The following PTPRC variants were observed in gnomAD, a reference collection of about 807,000 sequenced individuals.
PTPRC encodes the protein receptor-type tyrosine-protein phosphatase C.
PTPRC carries 44 observed loss-of-function variants against 155.9 expected under a neutral mutation model. That is an observed-to-expected ratio of 0.28 (90% CI 0.22 to 0.36). The LOEUF (loss-of-function observed/expected upper bound fraction) is 0.36. PTPRC is among the 10% of genes least tolerant of loss of function. PTPRC has a pLI of 1.00. For synonymous variants in PTPRC, 525 were observed against 533.1 expected, an observed-to-expected ratio of 0.98 and a Z score of 0.21; for missense variants, 1,401 against 1,564.6, an observed-to-expected ratio of 0.90 and a Z score of 1.76.
At chr1:198,754,461 C>A in intron 32 of PTPRC, 57 bp downstream of exon 32, 1 of 1,587,876 alleles carries the variant, frequency 6.3e-7, no homozygotes, top group South Asian at 1.1e-5. Context: ...TTCTTTTTGA[C>A]GGTTTCCTTT....
At position 198,662,477 on chromosome 1, in the gene PTPRC, T is replaced by TGTGA. The variant is rs1553232046; in HGVS notation, c.73+23137_73+23138insTGAG. 8.7e-3 allele frequency among the ~76,000 whole-genome samples: 519 copies of TGTGA among 59,436 alleles called. 3 individuals are homozygous for TGTGA. The East Asian group carries it at 0.24, about 28-fold the overall frequency. 39.0% of individuals were successfully genotyped at this position (59,436 alleles called of 152,430 possible). On this transcript the variant is annotated intron_variant, in intron 2 of 32. Transcript: ENST00000442510. ...GTGTGTGTGTGTGTGTGTGTGTGTG[T>TGTGA]GAGAGTGTGTGTGTATAAACATGAG...
chr1:198,638,995 GAGGACCCT>G, upstream of PTPRC: 1 of 418,322 alleles, frequency 2.4e-6, no homozygotes, highest in Non-Finnish European at 4.3e-6. Flanking sequence ...TTCCTGCAAA[GAGGACCCT>G]TACAGTATTT....
At position 198,742,308 on chromosome 1, in the gene PTPRC, G is replaced by A; in HGVS notation, c.2638G>A (p.Asp880Asn). The part of the protein sequence containing the change: ...LEGLEAENKV[D>N]VYGYVVKLRR... ...AGGCCTGGAAGCCGAGAACAAAGTG[G>A]ATGTTTATGGTTATGTTGTCAAGCT... The change falls in exon 25 of 33, where the codon GAT becomes AAT. Residue 880 changes from aspartate to asparagine, a missense_variant. Physicochemically the swap from Asp to Asn is conservative, Grantham distance 23. Transcript: ENST00000442510. The A allele has an allele frequency of 6.2e-7, 1 of 1,612,386 alleles. No individual in the cohort carries two copies. Among genetic ancestry groups the A allele is most frequent in the South Asian group, 1.1e-5 (1 of 91,060 alleles).
chr1:198,706,777 G>A lies in PTPRC; in HGVS notation c.729G>A (p.Lys243=). 1 of 1,612,226 alleles carries A rather than the reference G, an allele frequency of 6.2e-7. No individual in the cohort carries two copies. Among genetic ancestry groups the A allele is most frequent in the South Asian group, 1.1e-5 (1 of 90,966 alleles). ...TCACTGTGGATTACTTATATAACAA[G>A]GAAACTAAATTATTTACAGCAAAGC... The part of the protein sequence containing the change: ...ANITVDYLYN[K]ETKLFTAKLN... The change falls in exon 9 of 33, where the codon AAG becomes AAA. Residue 243 remains lysine, a synonymous_variant. Transcript: ENST00000442510.
chr1:198,680,153 G>C (rs1665230471), intron 2 of PTPRC: 1 of 395,232 alleles, frequency 2.5e-6, no homozygotes. Context: ...CTCATTTATA[G>C]GATTTTAAAA....
Position 198,702,437 on chromosome 1 carries a change from T to C in PTPRC, c.490T>C (p.Ser164Pro). 6.2e-7 allele frequency: 1 copy of C among 1,614,066 alleles called. No individual in the cohort carries two copies. The highest frequency in any genetic ancestry group is 8.5e-7 in the Non-Finnish European group (1 of 1,180,020). Residue 164 changes from serine to proline, a missense_variant, in exon 6 of 33, where the codon TCC (serine) becomes CCC (proline). Ser to Pro is a moderately conservative substitution (Grantham distance 74, BLOSUM62 -1). Transcript: ENST00000442510. The stretch of plus-strand genomic sequence containing the variant: ...CAGCACCTTTCCTACAGACCCAGTT[T>C]CCCCATTGACAACCACCCTCAGCCT... ...TASTFPTDPV[S>P]PLTTTLSLAH...
chr1:198,708,804 T>G (rs772186935), intron 10 of PTPRC, among the ~76,000 whole-genome samples: 1 of 152,146 alleles, frequency 6.6e-6, no homozygotes, highest in Non-Finnish European at 1.5e-5. Context: ...ATAATTGAGA[T>G]AGTATTTTTA....
intron 15 of PTPRC, among the ~76,000 whole-genome samples, chr1:198,725,616 A>G (rs1396676306): frequency 6.6e-6 from 1 of 152,178 alleles, no homozygotes; most frequent in African/African-American, 2.4e-5. Flanking sequence ...CCTTCCCTGT[A>G]CTGAGCCTGA....
At chr1:198,659,324 A>G (rs112873182) in intron 2 of PTPRC, among the ~76,000 whole-genome samples, 39 of 152,262 alleles carry the variant, frequency 2.6e-4, no homozygotes, top group African/African-American at 9.1e-4. Flanking sequence ...CAAATATTTC[A>G]CAAATGTTAG....
At chr1:198,675,921 C>T (rs969026488) in intron 2 of PTPRC, among the ~76,000 whole-genome samples, 9 of 152,016 alleles carry the variant, frequency 5.9e-5, no homozygotes, top group African/African-American at 1.9e-4. Flanking sequence ...TGTCAAAGAC[C>T]GAAATATCAT....
At chr1:198,680,853 AG>A (rs1665281581) in intron 2 of PTPRC, among the ~76,000 whole-genome samples, 1 of 152,216 alleles carries the variant, frequency 6.6e-6, no homozygotes, top group Non-Finnish European at 1.5e-5. Flanking sequence ...CCCAGGAGGC[AG>A]CATTATGGAG....
intron 26 of PTPRC, among the ~76,000 whole-genome samples, chr1:198,746,790 C>T (rs959432355): frequency 2.6e-5 from 4 of 151,782 alleles, no homozygotes; most frequent in African/African-American, 7.2e-5. Flanking sequence ...TAGGCTGCCT[C>T]GGTGACTACA....
Position 198,668,904 on chromosome 1 carries a change from G to C in PTPRC, c.74-23443G>C, listed in dbSNP as rs375220530. On this transcript the variant is annotated intron_variant, in intron 2 of 32. Transcript: ENST00000442510. ...TACCTGCCATCTATCCATGGAAGCA[G>C]CAATAAGACCACCTGAGAGCTATGG... Among the ~76,000 whole-genome samples, 2 of 151,948 alleles carry C rather than the reference G, an allele frequency of 1.3e-5. 1 individual carries two copies. Among genetic ancestry groups the C allele is most frequent in the African/African-American group, 4.8e-5 (2 of 41,556 alleles).
At chr1:198,754,475 C>A in intron 32 of PTPRC, 71 bp downstream of exon 32, 2 of 1,530,842 alleles carry the variant, frequency 1.3e-6, no homozygotes, top group Non-Finnish European at 1.8e-6. Flanking sequence ...TTCCTTTTTT[C>A]TTTTCTCCTC....
chr1:198,756,605 A>AAACT lies in PTPRC; in HGVS notation c.*425_*428dup, dbSNP rs1482143261. 3.1e-5 allele frequency: 6 copies of AAACT among 193,848 alleles called. No individual in the cohort carries two copies. Among genetic ancestry groups the AAACT allele is most frequent in the Non-Finnish European group, 6.4e-5 (6 of 93,050 alleles). The allele number at this position is 193,848 out of a possible 1,614,324, so 12.0% of individuals were successfully genotyped here. On this transcript the variant is annotated 3_prime_UTR_variant, in exon 33 of 33. Transcript: ENST00000442510. ...TGAAGGATCTGTTTTTAAAAATCAT[A>AAACT]AACTGTGTGCAGACTCAATAAAATC...
rs754240047 is a variant in PTPRC, at chr1:198,699,637, G to C, written c.372G>C (p.Thr124=). Residue 124 remains threonine (T), a synonymous_variant, in exon 5 of 33, where the codon ACG becomes ACC. Coordinates refer to ENST00000442510, the MANE Select transcript of PTPRC (RefSeq NM_002838.5). ...DSQTPSAGTD[T]QTFSGSAANA... is the part of the protein sequence containing the mutation. The stretch of plus-strand genomic sequence containing the variant: ...AGACGCCCTCTGCTGGAACTGACAC[G>C]CAGACATTCAGCGGCTCCGCCGCCA... The C allele has an allele frequency of 6.2e-7, 1 of 1,614,198 alleles. No homozygotes were observed. Among genetic ancestry groups the C allele is most frequent in the Non-Finnish European group, 8.5e-7 (1 of 1,180,034 alleles).
intron 2 of PTPRC, among the ~76,000 whole-genome samples, chr1:198,671,027 A>G (rs748622140): frequency 6.6e-6 from 1 of 152,190 alleles, no homozygotes; most frequent in African/African-American, 2.4e-5. Context: ...TAATCATTTC[A>G]TAGTGTATAC....
At chr1:198,727,613 G>T (rs540091525) in intron 15 of PTPRC, among the ~76,000 whole-genome samples, 49 of 152,242 alleles carry the variant, frequency 3.2e-4, no homozygotes, top group African/African-American at 1.1e-3. Flanking sequence ...ACTAAGAAGT[G>T]GTAGAGCTAG....
chr1:198,703,707 C>G lies in PTPRC; in HGVS notation c.658+335C>G, dbSNP rs1401897837. The G allele has an allele frequency of 2.5e-5, 9 of 355,114 alleles. 1 individual carries two copies. The highest frequency in any genetic ancestry group is 5.9e-5 in the East Asian group (1 of 16,870). 22.0% of individuals were successfully genotyped at this position (355,114 alleles called of 1,614,324 possible). On this transcript the variant is annotated intron_variant, in intron 7 of 32. Transcript: ENST00000442510. ...GCTGTCCATTGCAAGTGGTGAGCAT[C>G]AGACGGCTGATGGCAGAGTTCCCGT...
Sources: gnomAD v4.1 joint callset for allele counts (sites outside exome capture counted in the v4.1 genomes callset) on GRCh38, gnomAD v4.1.1 for gene constraint, MANE v1.5 for transcripts, NCBI Gene and HGNC (gene_info 2026-07-23, HGNC 2026-07-21) for gene names.